CTNNA3: variants seen among roughly 807,000 people sequenced by gnomAD.
The protein encoded by CTNNA3 is catenin alpha-3.
Under a neutral mutation model 95.7 loss-of-function variants are expected in CTNNA3, and 76 were observed. That is an observed-to-expected ratio of 0.79 (90% CI 0.66 to 0.96). The LOEUF (loss-of-function observed/expected upper bound fraction) is 0.96, where lower values mean the gene tolerates loss of function less well. Among genes scored for constraint, CTNNA3 ranks in the 40% least tolerant of loss-of-function variants. The pLI is 0.00. For synonymous variants in CTNNA3, 431 were observed against 374.4 expected (o/e 1.15, Z -1.74); for missense variants, 1,191 against 1,089.8 (o/e 1.09, Z -1.31).
At chr10:66,757,135 T>G (rs1311759139) in intron 9 of CTNNA3, among the ~76,000 whole-genome samples, 1 of 152,162 alleles carries the variant, frequency 6.6e-6, no homozygotes, top group Non-Finnish European at 1.5e-5. Flanking sequence ...CCCTTTAGAC[T>G]GAGTGTATAC....
chr10:66,666,570 C>A (rs906214899), intron 9 of CTNNA3, among the ~76,000 whole-genome samples: 1 of 152,072 alleles, frequency 6.6e-6, no homozygotes, highest in Admixed American at 6.5e-5. Flanking sequence ...ATAACCATTG[C>A]TTGCCTTTAA....
chr10:66,457,038 G>A (rs1260655030), intron 11 of CTNNA3, among the ~76,000 whole-genome samples: 1 of 152,028 alleles, frequency 6.6e-6, no homozygotes, highest in Non-Finnish European at 1.5e-5. Flanking sequence ...TGTCTGGAAT[G>A]AGCTTTGATT....
Position 66,310,908 on chromosome 10 carries a change from C to T in CTNNA3, c.1733-30287G>A, listed in dbSNP as rs1233252696. Among the ~76,000 whole-genome samples the T allele has an allele frequency of 4.7e-4, 72 of 152,008 alleles. 1 individual carries two copies. Among genetic ancestry groups the T allele is most frequent in the Admixed American group, 4.6e-3 (70 of 15,258 alleles). On this transcript the variant is annotated intron_variant, in intron 12 of 17. Transcript: ENST00000433211. ...CCATGTTAGCCAGCCAGGATGGTCT[C>T]GATTTCCTGACCTCATGATCCACCC...
intron 5 of CTNNA3, among the ~76,000 whole-genome samples, chr10:67,227,064 C>T (rs945729401): frequency 6.6e-6 from 1 of 150,620 alleles, no homozygotes; most frequent in Admixed American, 6.6e-5. Context: ...CAAATGGACA[C>T]CAAAAGCAAG....
chr10:66,550,199 A>G (rs1472578425), intron 10 of CTNNA3, among the ~76,000 whole-genome samples: 1 of 152,134 alleles, frequency 6.6e-6, no homozygotes, highest in Non-Finnish European at 1.5e-5. Flanking sequence ...ACAATCTCTC[A>G]TTATACACAT....
chr10:67,471,347 C>T (rs1847814123), intron 5 of CTNNA3, among the ~76,000 whole-genome samples: 1 of 152,310 alleles, frequency 6.6e-6, no homozygotes, highest in African/African-American at 2.4e-5. Context: ...AAAAAGCTTC[C>T]ATTTCTCTTG....
At chr10:66,508,248 T>C (rs1408615234) in intron 11 of CTNNA3, among the ~76,000 whole-genome samples, 1 of 146,976 alleles carries the variant, frequency 6.8e-6, no homozygotes, top group Admixed American at 6.9e-5. Flanking sequence ...ACTCTCAGAG[T>C]CTAAGACTTC....
chr10:67,522,332 G>C (rs2133160608), intron 4 of CTNNA3, among the ~76,000 whole-genome samples: 1 of 152,174 alleles, frequency 6.6e-6, no homozygotes, highest in East Asian at 1.9e-4. Context: ...AAGCATTAAA[G>C]AGTGCTCACA....
At chr10:67,077,763 C>T (rs939466985) in intron 7 of CTNNA3, among the ~76,000 whole-genome samples, 5 of 151,926 alleles carry the variant, frequency 3.3e-5, no homozygotes, top group African/African-American at 1.2e-4. Flanking sequence ...TCACTAGCAC[C>T]TAAGACAGTA....
intron 13 of CTNNA3, among the ~76,000 whole-genome samples, chr10:66,214,188 C>T (rs536951691): frequency 1.1e-4 from 17 of 152,184 alleles, no homozygotes; most frequent in Non-Finnish European, 2.5e-4. Flanking sequence ...TTCAGGGTAA[C>T]ATTACCCTTC....
At chr10:66,060,957 G>C (rs755493699) in intron 15 of CTNNA3, among the ~76,000 whole-genome samples, 3 of 152,078 alleles carry the variant, frequency 2.0e-5, no homozygotes, top group Admixed American at 6.6e-5. Flanking sequence ...TTCTGGGAAA[G>C]AAAGTGATTA....
intron 15 of CTNNA3, among the ~76,000 whole-genome samples, chr10:66,057,513 A>G (rs1253641873): frequency 6.6e-6 from 1 of 152,220 alleles, no homozygotes; most frequent in Non-Finnish European, 1.5e-5. Flanking sequence ...ATCATCCTGT[A>G]CATTTTTATC....
intron 13 of CTNNA3, among the ~76,000 whole-genome samples, chr10:66,229,010 A>C (rs575335738): frequency 6.6e-6 from 1 of 152,244 alleles, no homozygotes; most frequent in Admixed American, 6.5e-5. Flanking sequence ...TTTGACTTTC[A>C]GTCTGCATGT....
intron 10 of CTNNA3, among the ~76,000 whole-genome samples, chr10:66,524,124 G>A (rs548868704): frequency 2.7e-3 from 78 of 28,926 alleles, no homozygotes; most frequent in African/African-American, 3.8e-3. Context: ...GCTCTACTCC[G>A]TCTCAGGAAA....
At chr10:66,020,825 C>T (rs887427562) in intron 15 of CTNNA3, among the ~76,000 whole-genome samples, 1 of 152,018 alleles carries the variant, frequency 6.6e-6, no homozygotes, top group Non-Finnish European at 1.5e-5. Flanking sequence ...GCACCTGCCA[C>T]CATACCCAGC....
chr10:67,019,926 T>A (rs1564836034), intron 7 of CTNNA3, among the ~76,000 whole-genome samples: 1 of 152,212 alleles, frequency 6.6e-6, no homozygotes, highest in African/African-American at 2.4e-5. Context: ...ATTAAATGCA[T>A]TTATGAAATA....
chr10:65,940,258 A>T (rs1188317003), intron 17 of CTNNA3, among the ~76,000 whole-genome samples: 1 of 152,180 alleles, frequency 6.6e-6, no homozygotes, highest in Admixed American at 6.5e-5. Context: ...TTAAAGTACT[A>T]GTCAATATTG....
At chr10:67,216,204 A>G (rs1007491857) in intron 6 of CTNNA3, among the ~76,000 whole-genome samples, 1 of 152,124 alleles carries the variant, frequency 6.6e-6, no homozygotes, top group African/African-American at 2.4e-5. Context: ...CAAAATTATT[A>G]CCCTTAGTAA....
At chr10:66,013,053 A>T (rs948136500) in intron 15 of CTNNA3, among the ~76,000 whole-genome samples, 1 of 152,152 alleles carries the variant, frequency 6.6e-6, no homozygotes, top group African/African-American at 2.4e-5. Flanking sequence ...GGCATGTGCC[A>T]TGACACCTGG....
Sources: allele counts gnomAD v4.1 joint callset (sites outside exome capture counted in the v4.1 genomes callset), GRCh38; gene constraint gnomAD v4.1.1; transcripts MANE v1.5; gene names NCBI Gene and HGNC (gene_info 2026-07-23, HGNC 2026-07-21).